Variants in WTAP observed in about 807,000 individuals in gnomAD.
WTAP encodes the protein pre-mRNA-splicing regulator WTAP.
A neutral mutation model predicts 50.0 loss-of-function variants in WTAP; 8 were observed. The ratio of observed to expected loss-of-function variants is 0.16; its 90% confidence interval spans 0.09 to 0.29. WTAP has a LOEUF of 0.29. WTAP is among the 10% of genes least tolerant of loss of function. WTAP has a pLI of 1.00. For synonymous variants in WTAP, 194 were observed against 169.0 expected (o/e 1.15, Z -1.15); for missense variants, 295 against 470.7 (o/e 0.63, Z 3.45).
At chr6:159,749,880 CA>C (rs1779758679) in intron 6 of WTAP, among the ~76,000 whole-genome samples, 1 of 152,118 alleles carries the variant, frequency 6.6e-6, no homozygotes. Context: ...TATAAGTCAC[CA>C]ATTCAAATTT....
rs372979089 is a variant in WTAP, at chr6:159,748,165, G to A, written c.274-26G>A. 21 of 1,600,834 alleles carry A rather than the reference G, an allele frequency of 1.3e-5. No individual in the cohort carries two copies. Among genetic ancestry groups the A allele is most frequent in the East Asian group, 6.7e-5 (3 of 44,450 alleles). ...TATGTATGTTTCCTTTGATTTGGTC[G>A]TAATTGTTTCTTTTGCTTTGCACAG... On this transcript the variant is annotated intron_variant, in intron 5 of 7. Coordinates refer to ENST00000621533, the MANE Select transcript of WTAP (RefSeq NM_001270531.2). The surrounding 1 kb of genome is among the most constrained non-coding windows in gnomAD (Gnocchi z 5.6).
intron 5 of WTAP, 105 bp downstream of exon 5, chr6:159,743,897 T>G: frequency 8.1e-7 from 1 of 1,232,026 alleles, no homozygotes; most frequent in Non-Finnish European, 1.1e-6. Context: ...TAAGAGCTTA[T>G]CTTTTATAGG....
At chr6:159,742,708 A>G (rs896293378) in intron 4 of WTAP, among the ~76,000 whole-genome samples, 3 of 152,180 alleles carry the variant, frequency 2.0e-5, no homozygotes, top group African/African-American at 7.2e-5. Context: ...AAGGGTTAAT[A>G]CCCTGAAATT....
chr6:159,754,589 A>T (rs1047172672), intron 7 of WTAP, among the ~76,000 whole-genome samples: 3 of 152,218 alleles, frequency 2.0e-5, no homozygotes, highest in Non-Finnish European at 2.9e-5. Flanking sequence ...ATATAAAATG[A>T]TGTCATATTT....
chr6:159,748,101 G>A lies in WTAP; in HGVS notation c.274-90G>A. 1.4e-6 allele frequency: 2 copies of A among 1,455,848 alleles called. No individual in the cohort carries two copies. The highest frequency in any genetic ancestry group is 1.9e-6 in the Non-Finnish European group (2 of 1,078,008). 90.2% of individuals were successfully genotyped at this position (1,455,848 alleles called of 1,614,324 possible). A position where few individuals can be genotyped will look rare whatever the true frequency, so the allele number is the denominator to read the frequency against. On this transcript the variant is annotated intron_variant, in intron 5 of 7. Coordinates refer to ENST00000621533, the MANE Select transcript of WTAP (RefSeq NM_001270531.2). The surrounding 1 kb of genome is among the most constrained non-coding windows in gnomAD (Gnocchi z 5.6). ...AGGGGAGGAGCTTAATGAAAGAGTT[G>A]GTAAATCAAGTGAATGGAGGGAGTT...
upstream of WTAP, chr6:159,727,450 G>A (rs1302421159): frequency 2.8e-6 from 3 of 1,062,650 alleles, no homozygotes; most frequent in East Asian, 1.0e-4. Context: ...GTGGGGCGGG[G>A]CAGGGCGGAG....
chr6:159,727,919 G>A (rs1249004226), intron 1 of WTAP, among the ~76,000 whole-genome samples: 1 of 152,240 alleles, frequency 6.6e-6, no homozygotes, highest in Non-Finnish European at 1.5e-5. Flanking sequence ...CCGTCCCCAA[G>A]GCCCGGGTTG....
At chr6:159,751,708 T>C (rs73022781) in intron 6 of WTAP, among the ~76,000 whole-genome samples, 22,030 of 152,232 alleles carry the variant, frequency 0.14, 2,065 homozygotes, top group Non-Finnish European at 0.21. Flanking sequence ...CAGGTTGAAC[T>C]CTTCAGGTAT....
intron 3 of WTAP, among the ~76,000 whole-genome samples, chr6:159,740,943 CT>C (rs1779221707): frequency 2.0e-5 from 3 of 152,028 alleles, no homozygotes; most frequent in Non-Finnish European, 4.4e-5. Context: ...ACCTCATGAT[CT>C]GCCCGCCTCG....
At chr6:159,746,486 A>C (rs1779580590) in intron 5 of WTAP, among the ~76,000 whole-genome samples, 2 of 152,164 alleles carry the variant, frequency 1.3e-5, no homozygotes, top group Admixed American at 6.5e-5. Context: ...ATTTGTGTAG[A>C]TCTTTTGTTT....
upstream of WTAP, chr6:159,727,033 G>T (rs1186148009): frequency 2.1e-5 from 26 of 1,229,752 alleles, no homozygotes; most frequent in South Asian, 3.2e-4. Flanking sequence ...AGCCGCAGGT[G>T]GCCCCGGCGA....
rs1182549926 is a variant in WTAP, at chr6:159,727,571, G to C, written c.-141G>C. On this transcript the variant is annotated 5_prime_UTR_variant, in exon 1 of 8. Transcript: ENST00000621533. ...AAGGGGAGCGCAGGGGTTGCGGCGG[G>C]ACTAGGAGCGCGGCGGGGCCGGCGG... is the stretch of plus-strand genomic sequence containing the variant. The C allele has an allele frequency of 4.1e-6, 4 of 987,570 alleles. No homozygotes were observed. The highest frequency in any genetic ancestry group is 1.1e-4 in the East Asian group (1 of 8,696). 61.2% of individuals were successfully genotyped at this position (987,570 alleles called of 1,614,324 possible).
intron 1 of WTAP, among the ~76,000 whole-genome samples, chr6:159,728,125 A>T (rs774636802): frequency 4.6e-5 from 7 of 152,246 alleles, no homozygotes; most frequent in Admixed American, 4.6e-4. Flanking sequence ...CCTACATTTC[A>T]TGTCACGCAG....
rs372531850 is a variant in WTAP at position 159,755,764 on chromosome 6, TC to T, written c.*154del. The T allele has an allele frequency of 5.2e-4, 353 of 674,638 alleles. No homozygotes were observed. Among genetic ancestry groups the T allele is most frequent in the Middle Eastern group, 1.2e-3 (2 of 1,718 alleles). 41.8% of individuals were successfully genotyped at this position (674,638 alleles called of 1,614,324 possible). The stretch of plus-strand genomic sequence containing the variant: ...TTTTTTCTTTGTTTTTTTTTTCTTT[TC>T]TTTTTTTTTTTTTTTTTTTTTTTTT... On this transcript the variant is annotated 3_prime_UTR_variant, in exon 8 of 8. Transcript: ENST00000621533.
rs1779949610 is a variant in WTAP at position 159,754,912 on chromosome 6, AATTGT to A, written c.608-112_608-108del. 20 of 1,115,038 alleles carry A rather than the reference AATTGT, an allele frequency of 1.8e-5. No homozygotes were observed. The East Asian group carries it at 5.4e-4, about 30-fold the overall frequency. 69.1% of individuals were successfully genotyped at this position (1,115,038 alleles called of 1,614,324 possible). On this transcript the variant is annotated intron_variant, in intron 7 of 7. Coordinates refer to ENST00000621533, the MANE Select transcript of WTAP (RefSeq NM_001270531.2). ...ATTTTTAAATGTAGTGTGATTTTAG[AATTGT>A]ATTTGTTTACTTGAGCGTTTATTGA... is the stretch of plus-strand genomic sequence containing the variant.
chr6:159,727,406 AGT>A (rs774224221), upstream of WTAP: 193 of 496,780 alleles, frequency 3.9e-4, no homozygotes, highest in Admixed American at 8.4e-4. Flanking sequence ...GGCGGGAGGC[AGT>A]GGCGCTGGCC....
At chr6:159,727,900 C>G (rs996635133) in intron 1 of WTAP, among the ~76,000 whole-genome samples, 197 bp downstream of exon 1, 8 of 152,232 alleles carry the variant, frequency 5.3e-5, no homozygotes, top group Admixed American at 3.9e-4. Context: ...GCCATTTTAT[C>G]TCTGTCCTCC....
intron 6 of WTAP, among the ~76,000 whole-genome samples, chr6:159,750,710 C>A (rs755028759): frequency 1.3e-5 from 2 of 151,944 alleles, no homozygotes; most frequent in Non-Finnish European, 2.9e-5. Flanking sequence ...AGTATATTTC[C>A]GTTATATTAA....
Position 159,727,568 on chromosome 6 carries a change from CG to C in WTAP, c.-141del, listed in dbSNP as rs1778266819. The C allele has an allele frequency of 1.0e-6, 1 of 988,112 alleles. No individual in the cohort carries two copies. The highest frequency in any genetic ancestry group is 1.2e-6 in the Non-Finnish European group (1 of 832,342). The allele number at this position is 988,112 out of a possible 1,614,324, so 61.2% of individuals were successfully genotyped here. ...ATAAAGGGGAGCGCAGGGGTTGCGGCGGGACTAGGAGCGCGGCGGGGCCGGC... is the reference window on the plus strand; with the variant it reads ...ATAAAGGGGAGCGCAGGGGTTGCGGCGGACTAGGAGCGCGGCGGGGCCGGC... On this transcript the variant is annotated 5_prime_UTR_variant, in exon 1 of 8. Coordinates refer to ENST00000621533, the MANE Select transcript of WTAP (RefSeq NM_001270531.2).
Sources: gnomAD v4.1 joint callset for allele counts (sites outside exome capture counted in the v4.1 genomes callset) on GRCh38, gnomAD v4.1.1 for gene constraint, Gnocchi (gnomAD v3.1) non-coding constraint, MANE v1.5 for transcripts, NCBI Gene and HGNC (gene_info 2026-07-23, HGNC 2026-07-21) for gene names.